NBAS: variants seen among roughly 807,000 people sequenced by gnomAD.
The protein encoded by NBAS is NBAS subunit of NRZ tethering complex, also known as NAG/BC035112 fusion.
NBAS carries 219 observed loss-of-function variants against 302.5 expected under a neutral mutation model. The observed-to-expected ratio is 0.72, with a 90% CI of 0.65 to 0.81. NBAS has a LOEUF of 0.81. Ranked by LOEUF, NBAS falls within the 30% of genes least tolerant of loss-of-function variation. The pLI, the probability that NBAS is intolerant of heterozygous loss-of-function variation, is 0.00. For synonymous variants in NBAS, 1,118 were observed against 1,021.6 expected (o/e 1.09, Z -1.80); for missense variants, 2,932 against 2,841.6 (o/e 1.03, Z -0.72).
At chr2:14,955,536 C>T in the NBAS span, among the ~76,000 whole-genome samples, 1 of 152,212 alleles carries the variant, frequency 6.6e-6, no homozygotes, top group Admixed American at 6.5e-5. Flanking sequence ...GAGGTCTCTG[C>T]CCCTGCAGGA....
intron 26 of NBAS, among the ~76,000 whole-genome samples, 178 bp from the exon 27 acceptor site, chr2:15,396,653 G>A (rs1335126038): frequency 6.6e-6 from 1 of 152,106 alleles, no homozygotes; most frequent in Non-Finnish European, 1.5e-5. Flanking sequence ...AGAAATGCTA[G>A]AGTAGAACAA....
chr2:15,313,411 G>A (rs191572492), intron 38 of NBAS, among the ~76,000 whole-genome samples: 2 of 152,286 alleles, frequency 1.3e-5, no homozygotes, highest in African/African-American at 4.8e-5. Flanking sequence ...CACAGGCTTG[G>A]AAGCTTATGT....
At chr2:15,122,283 T>C in the NBAS span, among the ~76,000 whole-genome samples, 1 of 152,156 alleles carries the variant, frequency 6.6e-6, no homozygotes, top group Non-Finnish European at 1.5e-5. Context: ...CTGCAGGCTT[T>C]ACAGAAAGCA....
chr2:15,363,366 G>A (rs1346678726), intron 32 of NBAS, among the ~76,000 whole-genome samples: 1 of 152,142 alleles, frequency 6.6e-6, no homozygotes, highest in African/African-American at 2.4e-5. Context: ...TCATTTGGAT[G>A]CATTCCTTTC....
chr2:15,461,400 A>G (rs1449938983), intron 20 of NBAS, 63 bp from the exon 21 acceptor site: 4 of 1,563,504 alleles, frequency 2.6e-6, no homozygotes, highest in Non-Finnish European at 3.5e-6. Flanking sequence ...GTGATTTTAT[A>G]TGACAACATT....
At chr2:15,213,111 A>G (rs1421377433) in intron 48 of NBAS, among the ~76,000 whole-genome samples, 8 of 152,162 alleles carry the variant, frequency 5.3e-5, no homozygotes, top group Non-Finnish European at 1.2e-4. Flanking sequence ...TCCATTTTTT[A>G]GACAAGGAAA....
intron 47 of NBAS, among the ~76,000 whole-genome samples, chr2:15,226,449 AT>A (rs527547131): frequency 3.5e-4 from 54 of 152,304 alleles, no homozygotes; most frequent in Non-Finnish European, 7.2e-4. Context: ...AGAAATTGAT[AT>A]TTTCTTCTTG....
At chr2:15,342,529 C>T (rs1343105699) in intron 35 of NBAS, among the ~76,000 whole-genome samples, 1 of 151,894 alleles carries the variant, frequency 6.6e-6, no homozygotes, top group African/African-American at 2.4e-5. Flanking sequence ...AGAAGCTATA[C>T]AGAAAATCTG....
the NBAS span, among the ~76,000 whole-genome samples, chr2:15,100,570 T>A: frequency 6.6e-6 from 1 of 152,192 alleles, no homozygotes; most frequent in Non-Finnish European, 1.5e-5. Context: ...CTGAATTAGT[T>A]GTTGAACTTG....
At chr2:15,224,052 T>G (rs947917620) in intron 47 of NBAS, among the ~76,000 whole-genome samples, 1 of 152,126 alleles carries the variant, frequency 6.6e-6, no homozygotes, top group African/African-American at 2.4e-5. Context: ...TCATGTGCAA[T>G]ACATAAACAG....
the NBAS span, among the ~76,000 whole-genome samples, chr2:14,911,797 T>C: frequency 6.6e-6 from 1 of 152,356 alleles, no homozygotes; most frequent in Non-Finnish European, 1.5e-5. Context: ...TGTGTGTCCC[T>C]GAACAAGTTG....
At chr2:15,148,892 T>A in the NBAS span, among the ~76,000 whole-genome samples, 2 of 152,172 alleles carry the variant, frequency 1.3e-5, no homozygotes, top group Non-Finnish European at 1.5e-5. Flanking sequence ...TTCCTATGCT[T>A]CATGTTGTCT....
At chr2:14,945,281 G>T in the NBAS span, among the ~76,000 whole-genome samples, 1 of 152,090 alleles carries the variant, frequency 6.6e-6, no homozygotes, top group Non-Finnish European at 1.5e-5. Context: ...CAGCAACCTA[G>T]CAGTAAAGAA....
the NBAS span, among the ~76,000 whole-genome samples, chr2:15,076,011 C>G: frequency 6.6e-6 from 1 of 152,182 alleles, no homozygotes; most frequent in Non-Finnish European, 1.5e-5. Context: ...TGCCCCTCCA[C>G]CTTTAGTCTC....
intron 47 of NBAS, among the ~76,000 whole-genome samples, chr2:15,231,398 TA>T (rs145333526): frequency 2.6e-5 from 4 of 152,290 alleles, no homozygotes; most frequent in South Asian, 2.1e-4. Context: ...GGAAATAGAC[TA>T]TGAAGGCATC....
Position 15,359,576 on chromosome 2 carries a change from T to C in NBAS, c.3818-3160A>G, listed in dbSNP as rs576287074. 3.9e-5 allele frequency among the ~76,000 whole-genome samples: 6 copies of C among 152,214 alleles called. No individual in the cohort carries two copies. In the South Asian group the frequency reaches 1.2e-3, roughly 32 times the overall value. ...GTTTTAGAAAATATTTCTTAAAATA[T>C]TTTACATAAAATATTTTATTTCTTT... On this transcript the variant is annotated intron_variant, in intron 32 of 51. Coordinates refer to ENST00000281513, the MANE Select transcript of NBAS (RefSeq NM_015909.4).
At chr2:15,307,991 AAGTT>A (rs1332727025) in intron 40 of NBAS, among the ~76,000 whole-genome samples, 5 of 152,306 alleles carry the variant, frequency 3.3e-5, no homozygotes, top group African/African-American at 9.6e-5. Flanking sequence ...AATTAAGTAA[AAGTT>A]AGAGGGAGGA....
chr2:14,781,798 A>T, the NBAS span, among the ~76,000 whole-genome samples: 1 of 151,726 alleles, frequency 6.6e-6, no homozygotes. Context: ...ATCCTTTAAG[A>T]TGCAGATGTG....
chr2:14,850,370 A>G, the NBAS span, among the ~76,000 whole-genome samples: 1 of 104,744 alleles, frequency 9.5e-6, no homozygotes, highest in Non-Finnish European at 1.7e-5. Flanking sequence ...ATTCAACAAG[A>G]GGAGCTAACT....
Sources: gnomAD v4.1 joint callset for allele counts (sites outside exome capture counted in the v4.1 genomes callset) on GRCh38, gnomAD v4.1.1 for gene constraint, MANE v1.5 for transcripts, NCBI Gene and HGNC (gene_info 2026-07-23, HGNC 2026-07-21) for gene names.